The following CLHC1 variants were observed in gnomAD, a reference collection of about 807,000 sequenced individuals.
CLHC1 encodes the protein clathrin heavy chain linker domain-containing protein 1.
In CLHC1, 72 loss-of-function variants were observed where a neutral mutation model predicts 69.5. The observed-to-expected ratio is 1.04, with a 90% confidence interval of 0.86 to 1.26. CLHC1 has a LOEUF of 1.26. Among genes scored for constraint, CLHC1 ranks in the 50% most tolerant of loss-of-function variants. CLHC1 has a pLI of 0.00. For synonymous variants in CLHC1, 223 were observed against 224.3 expected, an observed-to-expected ratio of 0.99 and a Z score of 0.05; for missense variants, 790 against 679.3, an observed-to-expected ratio of 1.16 and a Z score of -1.81.
chr2:55,175,692 C>T lies in CLHC1; in HGVS notation c.*98G>A, dbSNP rs1437198808. The T allele has an allele frequency of 5.5e-6, 4 of 731,996 alleles. No individual in the cohort carries two copies. In the East Asian group the frequency reaches 1.1e-4, roughly 19 times the overall value. 45.3% of individuals were successfully genotyped at this position (731,996 alleles called of 1,614,324 possible). On this transcript the variant is annotated 3_prime_UTR_variant, in exon 13 of 13. Coordinates refer to ENST00000401408, the MANE Select transcript of CLHC1 (RefSeq NM_152385.4). ...GATTTATTTCTGAGATCTTCTTACT[C>T]TAGATTTATTTATAAGTTAGTTACG...
intron 9 of CLHC1, among the ~76,000 whole-genome samples, chr2:55,200,225 T>TAA (rs34374033): frequency 0.46 from 24,412 of 52,832 alleles, 6,991 homozygotes; most frequent in Non-Finnish European, 0.57. Context: ...AAGACTGTCT[T>TAA]AAAAAAAAAA....
chr2:55,208,574 G>C, intron 8 of CLHC1, 52 bp downstream of exon 8: 1 of 1,146,496 alleles, frequency 8.7e-7, no homozygotes, highest in East Asian at 2.4e-5. Context: ...TATTCACAAA[G>C]AATCTATGAA....
At chr2:55,200,167 G>T (rs1165805243) in intron 9 of CLHC1, among the ~76,000 whole-genome samples, 1 of 143,700 alleles carries the variant, frequency 7.0e-6, no homozygotes, top group Non-Finnish European at 1.5e-5. Context: ...GGTTGAGACT[G>T]CAGTGTGCTG....
intron 9 of CLHC1, among the ~76,000 whole-genome samples, chr2:55,195,237 A>G (rs1224724176): frequency 1.3e-5 from 2 of 152,096 alleles, no homozygotes; most frequent in Non-Finnish European, 2.9e-5. Context: ...CTCCGCTTCT[A>G]TGAATTCAAC....
chr2:55,229,182 T>C (rs1216479513), intron 1 of CLHC1, among the ~76,000 whole-genome samples: 5 of 141,244 alleles, frequency 3.5e-5, no homozygotes, highest in African/African-American at 1.0e-4. Context: ...AAGAAAAAAA[T>C]TATATATATA....
chr2:55,183,800 G>C (rs941242481), intron 9 of CLHC1, among the ~76,000 whole-genome samples: 3 of 151,912 alleles, frequency 2.0e-5, no homozygotes, highest in Non-Finnish European at 4.4e-5. Context: ...TTCTTTTTTT[G>C]AGATGGAGTC....
intron 4 of CLHC1, among the ~76,000 whole-genome samples, chr2:55,213,477 T>C (rs1244497881): frequency 6.6e-6 from 1 of 152,210 alleles, no homozygotes; most frequent in East Asian, 1.9e-4. Context: ...AAGACCCTTT[T>C]TCCAAATACG....
intron 9 of CLHC1, among the ~76,000 whole-genome samples, chr2:55,191,364 T>G (rs1670909295): frequency 6.6e-6 from 1 of 152,146 alleles, no homozygotes; most frequent in Non-Finnish European, 1.5e-5. Flanking sequence ...GTCTCTCAAG[T>G]AGCTGGGATT....
Position 55,189,755 on chromosome 2 carries a change from G to A in CLHC1, c.1007-8011C>T, listed in dbSNP as rs1018530279. 3.3e-5 allele frequency among the ~76,000 whole-genome samples: 5 copies of A among 152,296 alleles called. No individual in the cohort carries two copies. In the South Asian group the frequency reaches 1.0e-3, roughly 32 times the overall value. On this transcript the variant is annotated intron_variant, in intron 9 of 12. Coordinates refer to ENST00000401408, the MANE Select transcript of CLHC1 (RefSeq NM_152385.4). Reference sequence around the variant, plus strand: ...AGTACTGATTAGCACATACCGGTGAGGAAGCTACCTAAGGCCAGGGAAAGA... The same window carrying A: ...AGTACTGATTAGCACATACCGGTGAAGAAGCTACCTAAGGCCAGGGAAAGA...
intron 9 of CLHC1, among the ~76,000 whole-genome samples, chr2:55,186,714 G>A (rs1000462233): frequency 5.9e-5 from 9 of 152,130 alleles, no homozygotes; most frequent in Non-Finnish European, 1.0e-4. Context: ...GGTCAAGGCT[G>A]CAGTGAGCTG....
At chr2:55,179,749 CTCTCAGATTACCGTTCAATTGTAA>C (rs1309515476) in intron 11 of CLHC1, among the ~76,000 whole-genome samples, 3 of 152,130 alleles carry the variant, frequency 2.0e-5, no homozygotes, top group Admixed American at 6.5e-5. Context: ...GTCCACAGTT[CTCTCAGATTACCGTTCAATTGTAA>C]TCTCAGATTA....
chr2:55,200,974 T>C (rs1272519484), intron 9 of CLHC1, among the ~76,000 whole-genome samples: 4 of 152,066 alleles, frequency 2.6e-5, no homozygotes, highest in Non-Finnish European at 1.5e-5. Context: ...TAGAGATTTC[T>C]TGAAACAAAC....
intron 10 of CLHC1, among the ~76,000 whole-genome samples, 166 bp downstream of exon 10, chr2:55,181,404 G>A (rs771039807): frequency 2.6e-5 from 4 of 152,140 alleles, no homozygotes; most frequent in Non-Finnish European, 5.9e-5. Context: ...GTTGGGATTA[G>A]AGGCATGAGC....
intron 9 of CLHC1, among the ~76,000 whole-genome samples, chr2:55,184,493 T>A (rs1006871266): frequency 1.3e-5 from 2 of 152,180 alleles, no homozygotes; most frequent in African/African-American, 4.8e-5. Context: ...ATAGTAAAGA[T>A]AACATTGAAA....
At chr2:55,200,087 G>A (rs1027828254) in intron 9 of CLHC1, among the ~76,000 whole-genome samples, 1 of 151,998 alleles carries the variant, frequency 6.6e-6, no homozygotes, top group African/African-American at 2.4e-5. Context: ...AGCCAAGTGT[G>A]GTGGTGCATG....
intron 9 of CLHC1, among the ~76,000 whole-genome samples, chr2:55,185,022 G>A: frequency 6.6e-6 from 1 of 150,434 alleles, no homozygotes; most frequent in East Asian, 1.9e-4. Context: ...TAGACTTTCA[G>A]GTAAAGACGG....
rs531544354 is a variant in CLHC1 at position 55,222,356 on chromosome 2, C to A, written c.56G>T (p.Ser19Ile). 1.8e-4 allele frequency: 283 copies of A among 1,613,904 alleles called. 1 individual carries two copies. In the South Asian group the frequency reaches 3.0e-3, roughly 17 times the overall value. Residue 19 changes from serine to isoleucine, a missense_variant, in exon 3 of 13, where the codon AGT (serine) becomes ATT (isoleucine). By Grantham distance (142) the Ser-to-Ile change is moderately radical. Transcript: ENST00000401408. ...HAVLPPIICR[S>I]DKEFLESVQR... ...CACACTTTCCAAAAATTCCTTGTCA[C>A]TTCTACAAATGATAGGTGGGAGAAC...
chr2:55,221,682 A>G (rs552328469), intron 3 of CLHC1, among the ~76,000 whole-genome samples: 1 of 152,370 alleles, frequency 6.6e-6, no homozygotes, highest in African/African-American at 2.4e-5. Context: ...GTTGATCAAA[A>G]ACTGATAGTC....
intron 3 of CLHC1, 26 bp from the exon 4 acceptor site, chr2:55,218,024 G>GTATT: frequency 7.8e-7 from 1 of 1,289,494 alleles, no homozygotes; most frequent in Non-Finnish European, 1.0e-6. Context: ...TCTGCCTATG[G>GTATT]TATTGATTTT....
Sources: gnomAD v4.1 joint callset for allele counts (sites outside exome capture counted in the v4.1 genomes callset) on GRCh38, gnomAD v4.1.1 for gene constraint, MANE v1.5 for transcripts, NCBI Gene and HGNC (gene_info 2026-07-23, HGNC 2026-07-21) for gene names.